ATP8A2: variants seen among roughly 807,000 people sequenced by gnomAD.
The protein encoded by ATP8A2 is ATPase phospholipid transporting 8A2, also known as phospholipid-transporting ATPase IB.
In ATP8A2, 100 loss-of-function variants were observed where a neutral mutation model predicts 165.6. That is an observed-to-expected ratio of 0.60 (90% CI 0.51 to 0.71). ATP8A2 has a LOEUF of 0.71. Ranked by LOEUF, ATP8A2 falls within the 30% of genes least tolerant of loss-of-function variation. The probability of loss-of-function intolerance (pLI) is 0.00; values close to 1 mark genes in which losing one functional copy is unlikely to be tolerated. For synonymous variants in ATP8A2, 543 were observed against 548.8 expected, an observed-to-expected ratio of 0.99 and a Z score of 0.15; for missense variants, 1,227 against 1,479.5, an observed-to-expected ratio of 0.83 and a Z score of 2.80.
At chr13:25,899,658 C>G (rs746731945) in intron 33 of ATP8A2, among the ~76,000 whole-genome samples, 1 of 151,986 alleles carries the variant, frequency 6.6e-6, no homozygotes, top group Non-Finnish European at 1.5e-5. Context: ...GTTCTGAGGA[C>G]AGGGCCACAG....
At chr13:25,452,431 G>T (rs914836715) in intron 1 of ATP8A2, among the ~76,000 whole-genome samples, 4 of 152,020 alleles carry the variant, frequency 2.6e-5, no homozygotes, top group African/African-American at 4.8e-5. Context: ...GTAACATTAT[G>T]ACTGTTTTTT....
chr13:25,681,536 A>AG (rs544972388), intron 24 of ATP8A2, among the ~76,000 whole-genome samples: 199 of 152,306 alleles, frequency 1.3e-3, no homozygotes, highest in Non-Finnish European at 2.4e-3. Context: ...CAGTCCACGC[A>AG]GGGAAACGTG....
chr13:25,576,323 C>A (rs941895451), intron 19 of ATP8A2, among the ~76,000 whole-genome samples: 1 of 152,062 alleles, frequency 6.6e-6, no homozygotes, highest in Non-Finnish European at 1.5e-5. Context: ...TTGGAGTGTG[C>A]TTCAGGAGGA....
intron 19 of ATP8A2, 123 bp downstream of exon 19, chr13:25,574,980 G>A: frequency 2.0e-6 from 1 of 504,320 alleles, no homozygotes; most frequent in Non-Finnish European, 3.4e-6. Context: ...TATAATAAAT[G>A]TATCTCCATA....
At chr13:25,442,029 T>C (rs138495780) in intron 1 of ATP8A2, among the ~76,000 whole-genome samples, 9 of 152,370 alleles carry the variant, frequency 5.9e-5, no homozygotes, top group Non-Finnish European at 1.2e-4. Context: ...TAGCATGATG[T>C]CCTCCAGCTT....
At chr13:25,859,054 T>C (rs765099958) in intron 30 of ATP8A2, among the ~76,000 whole-genome samples, 2 of 151,804 alleles carry the variant, frequency 1.3e-5, no homozygotes, top group Admixed American at 6.6e-5. Flanking sequence ...AATACAAAAA[T>C]TAGCCAGGCA....
At chr13:25,702,254 A>G (rs1242196725) in intron 25 of ATP8A2, among the ~76,000 whole-genome samples, 3 of 152,328 alleles carry the variant, frequency 2.0e-5, no homozygotes, top group East Asian at 1.9e-4. Flanking sequence ...GTTCCTATCA[A>G]TATTGATTCA....
intron 16 of ATP8A2, among the ~76,000 whole-genome samples, chr13:25,564,396 T>C (rs926107590): frequency 4.6e-5 from 7 of 152,192 alleles, no homozygotes; most frequent in East Asian, 1.9e-4. Flanking sequence ...TAGGATACTT[T>C]AGGAAACAAA....
intron 1 of ATP8A2, among the ~76,000 whole-genome samples, chr13:25,451,509 C>T (rs2035223520): frequency 6.6e-6 from 1 of 152,076 alleles, no homozygotes; most frequent in Non-Finnish European, 1.5e-5. Context: ...TAGTCTATAC[C>T]TCCTTACACC....
intron 4 of ATP8A2, among the ~76,000 whole-genome samples, chr13:25,531,299 TTATATATGATATATATGTTATATATGATA>T (rs1566229499): frequency 9.5e-6 from 1 of 104,780 alleles, no homozygotes; most frequent in African/African-American, 4.3e-5. Context: ...GATATATATG[TTATATATGATATATATGTTATATATGATA>T]TATATATGTT....
intron 24 of ATP8A2, among the ~76,000 whole-genome samples, chr13:25,673,051 C>T (rs555880814): frequency 6.6e-6 from 1 of 152,278 alleles, no homozygotes; most frequent in East Asian, 1.9e-4. Context: ...ATCTCTCCAG[C>T]TTCTTTGGAA....
chr13:25,570,298 C>G (rs1001482492), intron 16 of ATP8A2, among the ~76,000 whole-genome samples: 4 of 152,078 alleles, frequency 2.6e-5, no homozygotes, highest in African/African-American at 9.7e-5. Flanking sequence ...GCAGAACACA[C>G]GCTTCCGGAG....
chr13:25,795,587 A>G (rs1950484041), intron 27 of ATP8A2, among the ~76,000 whole-genome samples: 1 of 152,230 alleles, frequency 6.6e-6, no homozygotes, highest in Non-Finnish European at 1.5e-5. Context: ...TCATGTGTCA[A>G]GCTTACAGGA....
chr13:25,886,130 G>A (rs1953144834), intron 33 of ATP8A2, among the ~76,000 whole-genome samples: 1 of 152,192 alleles, frequency 6.6e-6, no homozygotes, highest in Admixed American at 6.5e-5. Flanking sequence ...AGTTAGTTCT[G>A]AAATTGACAA....
intron 24 of ATP8A2, among the ~76,000 whole-genome samples, chr13:25,655,334 A>G (rs938873222): frequency 6.6e-6 from 1 of 152,114 alleles, no homozygotes; most frequent in African/African-American, 2.4e-5. Context: ...TAATTTTTGT[A>G]TTTTTAGTAG....
chr13:25,726,331 G>T (rs1415540284), intron 25 of ATP8A2, among the ~76,000 whole-genome samples: 1 of 152,158 alleles, frequency 6.6e-6, no homozygotes, highest in Non-Finnish European at 1.5e-5. Context: ...CAAGTGAAGG[G>T]CACCTGGACG....
chr13:25,779,213 C>T (rs552387258), intron 27 of ATP8A2, among the ~76,000 whole-genome samples: 2 of 151,944 alleles, frequency 1.3e-5, no homozygotes, highest in African/African-American at 2.4e-5. Context: ...TATGCTTTGG[C>T]GAGCTTATTG....
intron 24 of ATP8A2, among the ~76,000 whole-genome samples, chr13:25,678,842 G>A (rs1369937397): frequency 2.0e-5 from 3 of 152,156 alleles, no homozygotes; most frequent in Non-Finnish European, 4.4e-5. Context: ...GTCACTGGAG[G>A]CTGCTTTGTG....
intron 30 of ATP8A2, among the ~76,000 whole-genome samples, chr13:25,848,134 A>G (rs750101528): frequency 2.6e-5 from 4 of 152,242 alleles, no homozygotes; most frequent in Non-Finnish European, 5.9e-5. Flanking sequence ...TGGCCTTGCC[A>G]GGCATGCTGT....
Sources: allele counts gnomAD v4.1 joint callset (sites outside exome capture counted in the v4.1 genomes callset), GRCh38; gene constraint gnomAD v4.1.1; transcripts MANE v1.5; gene names NCBI Gene and HGNC (gene_info 2026-07-23, HGNC 2026-07-21).